RGS6: variants seen among roughly 807,000 people sequenced by gnomAD.
The protein encoded by RGS6 is regulator of G protein signaling 6, also known as regulator of G-protein signaling 6.
A neutral mutation model predicts 78.5 loss-of-function variants in RGS6; 30 were observed. The observed-to-expected ratio is 0.38, with a 90% CI of 0.29 to 0.52. The LOEUF is 0.52. Ranked by LOEUF, RGS6 falls within the 20% of genes least tolerant of loss-of-function variation. The pLI is 0.85. For synonymous variants in RGS6, 206 were observed against 206.0 expected, an observed-to-expected ratio of 1.00 and a Z score of 0.00; for missense variants, 495 against 609.7, an observed-to-expected ratio of 0.81 and a Z score of 1.98.
chr14:72,349,060 A>G (rs542676919), intron 2 of RGS6, among the ~76,000 whole-genome samples: 36 of 152,288 alleles, frequency 2.4e-4, no homozygotes, highest in African/African-American at 8.2e-4. Flanking sequence ...CCAGCTACTC[A>G]GGAAGCTGAG....
chr14:72,505,092 G>A (rs115869348), intron 13 of RGS6, among the ~76,000 whole-genome samples: 96 of 151,932 alleles, frequency 6.3e-4, no homozygotes, highest in African/African-American at 2.2e-3. Context: ...GGCTTTTGCT[G>A]ACATATATCT....
intron 3 of RGS6, among the ~76,000 whole-genome samples, chr14:72,382,233 C>G (rs1358104802): frequency 6.6e-6 from 1 of 151,972 alleles, no homozygotes; most frequent in Non-Finnish European, 1.5e-5. Flanking sequence ...ATATAAAAGA[C>G]TTCTAAAAAT....
intron 3 of RGS6, among the ~76,000 whole-genome samples, chr14:72,411,281 T>C (rs2093394645): frequency 6.6e-6 from 1 of 152,222 alleles, no homozygotes; most frequent in African/African-American, 2.4e-5. Context: ...GAAGAGGTCA[T>C]TCATATCCCT....
intron 3 of RGS6, among the ~76,000 whole-genome samples, chr14:72,426,806 G>C (rs573093368): frequency 4.6e-5 from 7 of 152,222 alleles, no homozygotes; most frequent in Non-Finnish European, 7.3e-5. Context: ...TATTTCCAAA[G>C]ATGTCTGGAA....
At chr14:72,048,685 G>A (rs1003093080) in intron 2 of RGS6, among the ~76,000 whole-genome samples, 3 of 151,184 alleles carry the variant, frequency 2.0e-5, no homozygotes, top group Non-Finnish European at 4.4e-5. Flanking sequence ...CTTTCTTTTT[G>A]CAGATTTTTT....
intron 5 of RGS6, 22 bp downstream of exon 5, chr14:72,458,399 C>T (rs2095688175): frequency 1.3e-6 from 2 of 1,542,576 alleles, no homozygotes; most frequent in African/African-American, 1.4e-5. Flanking sequence ...GGCTCCTCCT[C>T]CTGAAGAACC....
rs556676706 is a variant in RGS6, at chr14:72,151,646, G to A, written c.84+186771G>A. Among the ~76,000 whole-genome samples the A allele has an allele frequency of 3.9e-5, 6 of 152,310 alleles. No individual in the cohort carries two copies. In the South Asian group the frequency reaches 8.3e-4, roughly 21 times the overall value. Reference sequence around the variant, plus strand: ...GACGGGATGGCATCTCAGGTTTCACGTGTAGGGGAGGAGAGTGGGTCTGTT... The same window carrying A: ...GACGGGATGGCATCTCAGGTTTCACATGTAGGGGAGGAGAGTGGGTCTGTT... On this transcript the variant is annotated intron_variant, in intron 2 of 17. Coordinates refer to ENST00000553525, the MANE Select transcript of RGS6 (RefSeq NM_001204424.2).
intron 4 of RGS6, among the ~76,000 whole-genome samples, 191 bp from the exon 5 acceptor site, chr14:72,458,080 G>A (rs2095678360): frequency 6.6e-6 from 1 of 152,150 alleles, no homozygotes; most frequent in Non-Finnish European, 1.5e-5. Context: ...ATTCAGACAA[G>A]TCCCAGACAC....
chr14:72,359,389 G>C (rs2081031942), intron 3 of RGS6, among the ~76,000 whole-genome samples: 1 of 152,138 alleles, frequency 6.6e-6, no homozygotes, highest in Non-Finnish European at 1.5e-5. Context: ...GTTGGGGTGG[G>C]GGGCAGTTGT....
intron 1 of RGS6, among the ~76,000 whole-genome samples, chr14:71,945,136 C>T (rs1049634124): frequency 2.0e-5 from 3 of 152,142 alleles, no homozygotes; most frequent in African/African-American, 7.2e-5. Flanking sequence ...ATAGTTAAAG[C>T]CATCTCAGAC....
At chr14:72,251,347 G>C (rs1216453147) in intron 2 of RGS6, among the ~76,000 whole-genome samples, 1 of 152,136 alleles carries the variant, frequency 6.6e-6, no homozygotes, top group East Asian at 1.9e-4. Flanking sequence ...AATTCCTAGG[G>C]AGGGGGTTTA....
intron 13 of RGS6, 134 bp from the exon 14 acceptor site, chr14:72,510,020 G>C (rs1206757666): frequency 2.0e-6 from 2 of 1,005,552 alleles, no homozygotes; most frequent in African/African-American, 1.7e-5. Context: ...AGCTTTTGTA[G>C]AATCTGCCCC....
At chr14:72,531,158 C>T (rs1046833745) in intron 15 of RGS6, among the ~76,000 whole-genome samples, 7 of 152,200 alleles carry the variant, frequency 4.6e-5, no homozygotes, top group South Asian at 2.1e-4. Context: ...GGAGGCTGGG[C>T]GCGGTGGCTC....
chr14:72,467,374 C>G (rs1328621532), intron 7 of RGS6, among the ~76,000 whole-genome samples: 1 of 152,118 alleles, frequency 6.6e-6, no homozygotes, highest in African/African-American at 2.4e-5. Flanking sequence ...CATCTTCAGA[C>G]CCACCCACCG....
intron 2 of RGS6, among the ~76,000 whole-genome samples, chr14:72,044,471 T>G (rs1219564117): frequency 1.3e-5 from 2 of 152,112 alleles, no homozygotes; most frequent in African/African-American, 4.8e-5. Context: ...ATATTCTCTT[T>G]CTCTCCCCTT....
At chr14:72,213,287 T>C (rs373497347) in intron 2 of RGS6, among the ~76,000 whole-genome samples, 1 of 152,114 alleles carries the variant, frequency 6.6e-6, no homozygotes, top group Non-Finnish European at 1.5e-5. Context: ...ATGTTACTCC[T>C]GGGAGCTTCT....
the RGS6 span, among the ~76,000 whole-genome samples, chr14:71,917,753 C>T: frequency 2.0e-5 from 3 of 152,180 alleles, no homozygotes; most frequent in Non-Finnish European, 4.4e-5. Context: ...GGTCATCTTT[C>T]GGTAGTGTGT....
intron 2 of RGS6, among the ~76,000 whole-genome samples, chr14:72,237,194 A>T (rs764305874): frequency 6.6e-6 from 1 of 152,180 alleles, no homozygotes; most frequent in Non-Finnish European, 1.5e-5. Context: ...TACCCATTTT[A>T]GTGCTGAATC....
At chr14:72,162,785 G>C (rs1373024707) in intron 2 of RGS6, among the ~76,000 whole-genome samples, 2 of 151,974 alleles carry the variant, frequency 1.3e-5, no homozygotes, top group African/African-American at 4.8e-5. Flanking sequence ...GACACTGTGA[G>C]ATACACATAT....
Sources: allele counts gnomAD v4.1 joint callset (sites outside exome capture counted in the v4.1 genomes callset), GRCh38; gene constraint gnomAD v4.1.1; transcripts MANE v1.5; gene names NCBI Gene and HGNC (gene_info 2026-07-23, HGNC 2026-07-21).